The following WNT3A variants were observed in gnomAD, a reference collection of about 807,000 sequenced individuals.
WNT3A encodes the protein protein Wnt-3a.
In WNT3A, 17 loss-of-function variants were observed where a neutral mutation model predicts 37.0. The observed-to-expected ratio is 0.46, with a 90% CI of 0.31 to 0.69. The LOEUF is 0.69. WNT3A is among the 30% of genes least tolerant of loss of function. The pLI is 0.05. For synonymous variants in WNT3A, 187 were observed against 211.0 expected (o/e 0.89, Z 0.99); for missense variants, 411 against 510.2 (o/e 0.81, Z 1.87).
At chr1:228,054,773 C>G (rs1571816172) in intron 3 of WNT3A, among the ~76,000 whole-genome samples, 1 of 142,784 alleles carries the variant, frequency 7.0e-6, no homozygotes, top group Non-Finnish European at 1.5e-5. Context: ...AATTATTAGA[C>G]ACAGACTTTG....
chr1:228,058,903 C>A, intron 3 of WNT3A, 83 bp from the exon 4 acceptor site: 2 of 1,363,320 alleles, frequency 1.5e-6, no homozygotes, highest in Non-Finnish European at 9.9e-7. Flanking sequence ...AGCAGGTAGG[C>A]TGCAGGCGAC....
Position 228,050,296 on chromosome 1 carries a change from G to A in WNT3A, c.314-360G>A, listed in dbSNP as rs963575144. On this transcript the variant is annotated intron_variant, in intron 2 of 3. Transcript: ENST00000284523. This position sits in a 1 kb window ranked among gnomAD's most constrained non-coding sequence, Gnocchi z 5.0. ...CCTACTGTGCCTCTCAAAGTGCTGG[G>A]ATTACAGGCATGAGCCACTGTACTT... 6.6e-6 allele frequency among the ~76,000 whole-genome samples: 1 copy of A among 152,198 alleles called. No homozygotes were observed. Among genetic ancestry groups the A allele is most frequent in the Non-Finnish European group, 1.5e-5 (1 of 68,036 alleles).
chr1:228,050,723 A>G lies in WNT3A; in HGVS notation c.381A>G (p.Ser127=), dbSNP rs1465468318. 1.2e-6 allele frequency: 2 copies of G among 1,614,062 alleles called. No homozygotes were observed. ...SAGVAFAVTR[S]CAEGTAAICG... is the part of the protein sequence containing the mutation. ...GTGTGGCCTTTGCAGTGACACGCTC[A>G]TGTGCAGAAGGCACGGCCGCCATCT... is the stretch of plus-strand genomic sequence containing the variant. The change falls in exon 3 of 4, where the codon TCA becomes TCG. Residue 127 remains serine, a synonymous_variant. Transcript: ENST00000284523. This position sits in a 1 kb window ranked among gnomAD's most constrained non-coding sequence, Gnocchi z 5.0.
chr1:228,045,121 A>G (rs1417203904), intron 2 of WNT3A, among the ~76,000 whole-genome samples: 1 of 152,128 alleles, frequency 6.6e-6, no homozygotes, highest in African/African-American at 2.4e-5. Context: ...GTGTCTGGCT[A>G]TTGGGGCTGT....
intron 2 of WNT3A, among the ~76,000 whole-genome samples, chr1:228,049,705 G>T (rs2031499645): frequency 6.6e-6 from 1 of 152,174 alleles, no homozygotes; most frequent in East Asian, 1.9e-4. Flanking sequence ...TAGGTGTGAG[G>T]CGGCCCCTTA....
At chr1:228,026,791 T>C (rs1266319893) in intron 2 of WNT3A, among the ~76,000 whole-genome samples, 2 of 152,374 alleles carry the variant, frequency 1.3e-5, no homozygotes, top group African/African-American at 4.8e-5. Context: ...TGACATTATG[T>C]AAATCCTGTT....
chr1:228,037,048 C>A lies in WNT3A; in HGVS notation c.314-13608C>A, dbSNP rs752161794. Among the ~76,000 whole-genome samples the A allele has an allele frequency of 3.0e-4, 45 of 152,082 alleles. 1 individual carries two copies. Among genetic ancestry groups the A allele is most frequent in the Admixed American group, 2.4e-3 (36 of 15,276 alleles). On this transcript the variant is annotated intron_variant, in intron 2 of 3. Transcript: ENST00000284523. The surrounding 1 kb of genome is among the most constrained non-coding windows in gnomAD (Gnocchi z 4.1). ...GGGCCCTGGCACCTGCCAGATAGGT[C>A]GGGGGGAGTGGAGTGGCATGGGGAG...
At chr1:228,055,111 G>A (rs1489363554) in intron 3 of WNT3A, among the ~76,000 whole-genome samples, 13 of 137,216 alleles carry the variant, frequency 9.5e-5, no homozygotes, top group African/African-American at 3.7e-4. Flanking sequence ...TCCAGCCTGG[G>A]CAGTTTTTTT....
In WNT3A at chr1:228,019,966, C is replaced by T. The variant is rs370332596; in HGVS notation, c.72-2701C>T. Among the ~76,000 whole-genome samples the T allele has an allele frequency of 1.1e-4, 16 of 152,230 alleles. 1 individual carries two copies. The East Asian group carries it at 2.1e-3, about 20-fold the overall frequency. On this transcript the variant is annotated intron_variant, in intron 1 of 3. Transcript: ENST00000284523. The stretch of plus-strand genomic sequence containing the variant: ...CTTGCCTGGGCACGGTGGCTCATGC[C>T]TATAATCCCAGCACTTTGGGAGGCC...
At chr1:228,049,395 A>C (rs776397023) in intron 2 of WNT3A, among the ~76,000 whole-genome samples, 7 of 152,214 alleles carry the variant, frequency 4.6e-5, no homozygotes, top group Non-Finnish European at 7.3e-5. Flanking sequence ...TTATTCCTAA[A>C]TTAAATGCTG....
chr1:228,037,681 T>G lies in WNT3A; in HGVS notation c.314-12975T>G, dbSNP rs977488174. On this transcript the variant is annotated intron_variant, in intron 2 of 3. Coordinates refer to ENST00000284523, the MANE Select transcript of WNT3A (RefSeq NM_033131.4). The surrounding 1 kb of genome is among the most constrained non-coding windows in gnomAD (Gnocchi z 4.1). ...TTTAAGATGCGTTGGGGTGGGGGGCTCCCCTGGCTCCAGCGGCCTCTCTGG... is the reference window on the plus strand; with the variant it reads ...TTTAAGATGCGTTGGGGTGGGGGGCGCCCCTGGCTCCAGCGGCCTCTCTGG... Among the ~76,000 whole-genome samples, 2 of 152,006 alleles carry G rather than the reference T, an allele frequency of 1.3e-5. No individual in the cohort carries two copies. The highest frequency in any genetic ancestry group is 4.8e-5 in the African/African-American group (2 of 41,372).
chr1:228,059,223 T>C lies in WNT3A; in HGVS notation c.817T>C (p.Tyr273His). Residue 273 changes from tyrosine to histidine, a missense_variant, in exon 4 of 4, where the codon TAC (tyrosine) becomes CAC (histidine). Transcript: ENST00000284523. ...GGTGCCCACGGAGCGCGACCTGGTCTACTACGAGGCCTCGCCCAACTTCTG... is the reference window on the plus strand; with the variant it reads ...GGTGCCCACGGAGCGCGACCTGGTCCACTACGAGGCCTCGCCCAACTTCTG... ...FKVPTERDLV[Y>H]YEASPNFCEP... The C allele has an allele frequency of 6.2e-7, 1 of 1,611,210 alleles. No homozygotes were observed. The highest frequency in any genetic ancestry group is 8.5e-7 in the Non-Finnish European group (1 of 1,179,716).
chr1:228,015,012 A>AAAAAC (rs998549818), intron 1 of WNT3A, among the ~76,000 whole-genome samples: 18 of 152,388 alleles, frequency 1.2e-4, no homozygotes, highest in South Asian at 2.1e-4. Flanking sequence ...TTGTTAGGAA[A>AAAAAC]AAAACAAAAC....
chr1:228,044,099 A>G (rs1457303112), intron 2 of WNT3A, among the ~76,000 whole-genome samples: 4 of 152,254 alleles, frequency 2.6e-5, no homozygotes, highest in African/African-American at 7.2e-5. Context: ...CTCCTGCCTC[A>G]GCGTCCCAAG....
chr1:228,034,138 T>G (rs1003827389), intron 2 of WNT3A, among the ~76,000 whole-genome samples: 1 of 152,134 alleles, frequency 6.6e-6, no homozygotes, highest in African/African-American at 2.4e-5. Context: ...GGCACATGCC[T>G]GTAGTCCCAG....
intron 2 of WNT3A, among the ~76,000 whole-genome samples, chr1:228,046,641 C>G (rs2031418204): frequency 7.0e-6 from 1 of 142,362 alleles, no homozygotes. Flanking sequence ...TGTGGTATGC[C>G]TGCATGGTGT....
At chr1:228,022,061 A>G (rs1415897203) in intron 1 of WNT3A, among the ~76,000 whole-genome samples, 1 of 152,276 alleles carries the variant, frequency 6.6e-6, no homozygotes. Flanking sequence ...TAAAACATAC[A>G]GAAAAACACA....
At chr1:228,047,753 C>T (rs1343799086) in intron 2 of WNT3A, among the ~76,000 whole-genome samples, 1 of 152,074 alleles carries the variant, frequency 6.6e-6, no homozygotes, top group East Asian at 1.9e-4. Flanking sequence ...TGGCGGAAGG[C>T]AAAGGGGGAG....
At chr1:228,020,933 G>T (rs2030686772) in intron 1 of WNT3A, among the ~76,000 whole-genome samples, 1 of 152,164 alleles carries the variant, frequency 6.6e-6, no homozygotes, top group Non-Finnish European at 1.5e-5. Flanking sequence ...AGACTGGTTG[G>T]ATCCAGTGGA....
Sources: allele counts gnomAD v4.1 joint callset (sites outside exome capture counted in the v4.1 genomes callset), GRCh38; gene constraint gnomAD v4.1.1; non-coding constraint Gnocchi (gnomAD v3.1); transcripts MANE v1.5; gene names NCBI Gene and HGNC (gene_info 2026-07-23, HGNC 2026-07-21).